Variants in KCNH8 observed in about 807,000 individuals in gnomAD.
The protein encoded by KCNH8 is potassium voltage-gated channel subfamily H member 8.
In KCNH8, 70 loss-of-function variants were observed where a neutral mutation model predicts 103.6. The ratio of observed to expected loss-of-function variants is 0.68; its 90% CI spans 0.56 to 0.82. The LOEUF (loss-of-function observed/expected upper bound fraction) is 0.82. KCNH8 is among the 40% of genes least tolerant of loss of function. The pLI is 0.00. For missense variants in KCNH8, 1,217 were observed against 1,329.9 expected (o/e 0.92, Z 1.32); for synonymous variants, 498 against 489.4 (o/e 1.02, Z -0.23).
chr3:19,447,576 CTA>C (rs544863043), intron 8 of KCNH8, among the ~76,000 whole-genome samples: 1 of 151,966 alleles, frequency 6.6e-6, no homozygotes, highest in Non-Finnish European at 1.5e-5. Flanking sequence ...CATGGAAAGA[CTA>C]TTACATAGTG....
intron 3 of KCNH8, among the ~76,000 whole-genome samples, 199 bp from the exon 4 acceptor site, chr3:19,342,388 A>G (rs2065672138): frequency 6.6e-6 from 1 of 152,146 alleles, no homozygotes; most frequent in Non-Finnish European, 1.5e-5. Flanking sequence ...ATTTTTAAAA[A>G]TTAATGCAGT....
At chr3:19,444,022 G>C (rs1284162187) in intron 8 of KCNH8, among the ~76,000 whole-genome samples, 1 of 152,058 alleles carries the variant, frequency 6.6e-6, no homozygotes, top group Non-Finnish European at 1.5e-5. Flanking sequence ...TTGTGTGTGG[G>C]TGTGTTTGAA....
Position 19,377,300 on chromosome 3 carries a change from A to G in KCNH8, c.812-13181A>G, listed in dbSNP as rs566228489. Among the ~76,000 whole-genome samples, 10 of 152,338 alleles carry G rather than the reference A, an allele frequency of 6.6e-5. No homozygotes were observed. The East Asian group carries it at 1.3e-3, about 21-fold the overall frequency. ...CATCAGGATCCATCTAGTGATTAAC[A>G]CACACTTTTTTAAGGTTCCTGATCA... On this transcript the variant is annotated intron_variant, in intron 5 of 15. Transcript: ENST00000328405.
intron 8 of KCNH8, among the ~76,000 whole-genome samples, chr3:19,447,991 G>A (rs964553570): frequency 1.3e-5 from 2 of 151,802 alleles, no homozygotes; most frequent in African/African-American, 4.8e-5. Context: ...TCTACCAAGA[G>A]CCGCTCTTTA....
chr3:19,275,493 C>T (rs1559454229), intron 2 of KCNH8, among the ~76,000 whole-genome samples: 2 of 151,986 alleles, frequency 1.3e-5, no homozygotes, highest in East Asian at 3.9e-4. Flanking sequence ...GGGGTATTGA[C>T]CCGACGTAAA....
intron 11 of KCNH8, among the ~76,000 whole-genome samples, chr3:19,496,014 A>G (rs1268196039): frequency 6.6e-6 from 1 of 152,094 alleles, no homozygotes; most frequent in Non-Finnish European, 1.5e-5. Flanking sequence ...TATTGTTCGT[A>G]TACAGGAAGG....
rs1349616928 is a variant in KCNH8, at chr3:19,280,970, T to C, written c.311-228T>C. Among the ~76,000 whole-genome samples the C allele has an allele frequency of 2.0e-5, 3 of 152,102 alleles. No homozygotes were observed. In the East Asian group the frequency reaches 5.8e-4, roughly 29 times the overall value. On this transcript the variant is annotated intron_variant, in intron 2 of 15. Transcript: ENST00000328405. ...AATGTCTCAGCACAGACAAGTGTTT[T>C]TGTTTAAAATACTTCTTTATTTTCA...
intron 3 of KCNH8, among the ~76,000 whole-genome samples, chr3:19,332,208 A>G (rs183613351): frequency 5.9e-5 from 9 of 152,250 alleles, no homozygotes; most frequent in Non-Finnish European, 1.3e-4. Context: ...TTCTATCACT[A>G]CAAAAATCTC....
intron 7 of KCNH8, among the ~76,000 whole-genome samples, chr3:19,411,458 G>C (rs1435443173): frequency 2.6e-5 from 4 of 151,956 alleles, no homozygotes; most frequent in African/African-American, 9.7e-5. Context: ...ATTAGAAAAA[G>C]ACAAGGATAG....
chr3:19,463,954 A>G (rs944584157), intron 11 of KCNH8, among the ~76,000 whole-genome samples: 9 of 152,156 alleles, frequency 5.9e-5, no homozygotes, highest in African/African-American at 2.2e-4. Flanking sequence ...GATAAGAAAC[A>G]GAATGATATC....
At chr3:19,282,219 T>C (rs1406157801) in intron 3 of KCNH8, among the ~76,000 whole-genome samples, 4 of 152,138 alleles carry the variant, frequency 2.6e-5, no homozygotes, top group Non-Finnish European at 5.9e-5. Flanking sequence ...ATATGATAGT[T>C]TGGTGCTCTC....
chr3:19,274,828 TCCCTCCCCTCCCCAC>T (rs1241504722), intron 2 of KCNH8, among the ~76,000 whole-genome samples: 2 of 65,514 alleles, frequency 3.1e-5, no homozygotes, highest in Admixed American at 1.4e-4. Context: ...TCCCTTCCCT[TCCCTCCCCTCCCCAC>T]CCCTCCCCTC....
intron 11 of KCNH8, among the ~76,000 whole-genome samples, chr3:19,496,827 T>A (rs1192168489): frequency 1.3e-5 from 2 of 152,190 alleles, no homozygotes; most frequent in Non-Finnish European, 2.9e-5. Context: ...CTTCTCCACC[T>A]GTTTTTGGTT....
rs915632675 is a variant in KCNH8 at position 19,220,491 on chromosome 3, A to T, written c.77-33163A>T. On this transcript the variant is annotated intron_variant, in intron 1 of 15. Coordinates refer to ENST00000328405, the MANE Select transcript of KCNH8 (RefSeq NM_144633.3). The stretch of plus-strand genomic sequence containing the variant: ...AGGAGAGTCTGAAAGGGTGTTTCTG[A>T]TGTGCCCCAGGTGGTGAAACCTGTC... 2.9e-4 allele frequency among the ~76,000 whole-genome samples: 44 copies of T among 152,214 alleles called. 1 individual carries two copies. Among genetic ancestry groups the T allele is most frequent in the African/African-American group, 1.1e-3 (44 of 41,462 alleles).
intron 8 of KCNH8, among the ~76,000 whole-genome samples, chr3:19,444,480 G>A (rs937344782): frequency 6.6e-6 from 1 of 151,854 alleles, no homozygotes; most frequent in African/African-American, 2.4e-5. Context: ...AAACGCCCTA[G>A]CCTTAAAGGA....
intron 3 of KCNH8, among the ~76,000 whole-genome samples, chr3:19,319,162 A>G (rs563311614): frequency 6.6e-6 from 1 of 152,012 alleles, no homozygotes; most frequent in South Asian, 2.1e-4. Flanking sequence ...GAAGCTTTTT[A>G]GTTTCATTAA....
rs1249403695 is a variant in KCNH8, at chr3:19,515,439, T to C, written c.2542+11T>C. The C allele has an allele frequency of 1.5e-6, 2 of 1,339,090 alleles. No individual in the cohort carries two copies. The highest frequency in any genetic ancestry group is 1.0e-6 in the Non-Finnish European group (1 of 981,516). The allele number at this position is 1,339,090 out of a possible 1,614,324, so 83.0% of individuals were successfully genotyped here. On this transcript the variant is annotated intron_variant, in intron 14 of 15. Coordinates refer to ENST00000328405, the MANE Select transcript of KCNH8 (RefSeq NM_144633.3). ...CTCCTCCTCTTGGAGGTAAGATCTATATTTAGTCTTCTCCTAAGGTAAAAT... is the reference window on the plus strand; with the variant it reads ...CTCCTCCTCTTGGAGGTAAGATCTACATTTAGTCTTCTCCTAAGGTAAAAT...
At chr3:19,373,710 A>C (rs1424637449) in intron 5 of KCNH8, among the ~76,000 whole-genome samples, 2 of 150,924 alleles carry the variant, frequency 1.3e-5, no homozygotes, top group Non-Finnish European at 3.0e-5. Context: ...TAGGGTGTCA[A>C]TTTTGGATCT....
intron 5 of KCNH8, among the ~76,000 whole-genome samples, chr3:19,352,987 G>C (rs781453379): frequency 6.6e-6 from 1 of 151,670 alleles, no homozygotes; most frequent in South Asian, 2.1e-4. Flanking sequence ...TAGACCACTA[G>C]CAAGACTAAT....
Sources: allele counts gnomAD v4.1 joint callset (sites outside exome capture counted in the v4.1 genomes callset), GRCh38; gene constraint gnomAD v4.1.1; transcripts MANE v1.5; gene names NCBI Gene and HGNC (gene_info 2026-07-23, HGNC 2026-07-21).